Variants in NAV2 observed in about 807,000 individuals in gnomAD.
NAV2 encodes neuron navigator 2.
A neutral mutation model predicts 223.2 loss-of-function variants in NAV2; 54 were observed. The ratio of observed to expected loss-of-function variants is 0.24; its 90% CI spans 0.19 to 0.30. The LOEUF is 0.30. NAV2 is among the 10% of genes least tolerant of loss of function. NAV2 has a pLI of 1.00. For synonymous variants in NAV2, 1,279 were observed against 1,239.3 expected (o/e 1.03, Z -0.67); for missense variants, 2,806 against 3,147.5 (o/e 0.89, Z 2.60).
At chr11:19,779,050 A>G (rs974763296) in intron 1 of NAV2, among the ~76,000 whole-genome samples, 1 of 152,156 alleles carries the variant, frequency 6.6e-6, no homozygotes, top group Non-Finnish European at 1.5e-5. Context: ...AAGGGCTGGG[A>G]TGTCTTCTCC....
rs150883751 is a variant in NAV2 at position 19,583,738 on chromosome 11, G to A, written c.75+232711G>A. Among the ~76,000 whole-genome samples, 1,099 of 152,218 alleles carry A rather than the reference G, an allele frequency of 7.2e-3. 5 individuals are homozygous for A. The highest frequency in any genetic ancestry group is 0.011 in the Non-Finnish European group (769 of 67,994). ...TCCCAGGGATGAAGCCCACTTGATCGTGGTGGATAACTTTTTGATGTGCTG... is the reference window on the plus strand; with the variant it reads ...TCCCAGGGATGAAGCCCACTTGATCATGGTGGATAACTTTTTGATGTGCTG... On this transcript the variant is annotated intron_variant, in intron 1 of 37. Coordinates refer to the NAV2 transcript ENST00000360655.
intron 2 of NAV2, among the ~76,000 whole-genome samples, chr11:19,839,079 C>T (rs984867847): frequency 1.3e-5 from 2 of 152,170 alleles, no homozygotes; most frequent in East Asian, 1.9e-4. Context: ...CTTTAGGAGC[C>T]TTCCTTTGGT....
At chr11:19,800,782 A>G (rs149413131) in intron 1 of NAV2, among the ~76,000 whole-genome samples, 2,131 of 152,014 alleles carry the variant, frequency 0.014, 19 homozygotes, top group South Asian at 0.027. Context: ...TCATTACACC[A>G]TGATTAAAAT....
chr11:19,689,342 A>G (rs577388405), intron 1 of NAV2, among the ~76,000 whole-genome samples: 1 of 152,342 alleles, frequency 6.6e-6, no homozygotes, highest in East Asian at 1.9e-4. Flanking sequence ...AAAGACATCA[A>G]CAAGAGATGA....
chr11:19,345,679 G>T, the NAV2 span, among the ~76,000 whole-genome samples: 1 of 152,240 alleles, frequency 6.6e-6, no homozygotes, highest in Admixed American at 6.5e-5. This position sits in a 1 kb window ranked among gnomAD's most constrained non-coding sequence, Gnocchi z 5.2. Flanking sequence ...CAGATGCGGG[G>T]CTGGGCGCCC....
chr11:19,843,321 T>A (rs1420165689), intron 3 of NAV2, among the ~76,000 whole-genome samples: 1 of 152,196 alleles, frequency 6.6e-6, no homozygotes, highest in Non-Finnish European at 1.5e-5. Context: ...AATCAGAAAC[T>A]GGAGCATGTG....
chr11:19,449,101 C>T (rs747263886), intron 1 of NAV2, among the ~76,000 whole-genome samples: 2 of 152,112 alleles, frequency 1.3e-5, no homozygotes, highest in African/African-American at 2.4e-5. Flanking sequence ...TTTTGGTTCT[C>T]CACACTCCCT....
chr11:19,934,917 GC>G (rs1474561051), intron 7 of NAV2, among the ~76,000 whole-genome samples: 2 of 152,116 alleles, frequency 1.3e-5, no homozygotes, highest in East Asian at 3.9e-4. Flanking sequence ...CTGTCCCCTA[GC>G]CCCTGTCTCT....
At chr11:19,788,304 G>A (rs1041737333) in intron 1 of NAV2, among the ~76,000 whole-genome samples, 1 of 152,162 alleles carries the variant, frequency 6.6e-6, no homozygotes, top group African/African-American at 2.4e-5. Flanking sequence ...GTCCCCGAGG[G>A]GGGAAAATTG....
chr11:20,039,772 A>G (rs1010958483), intron 12 of NAV2, among the ~76,000 whole-genome samples: 2 of 152,258 alleles, frequency 1.3e-5, no homozygotes, highest in Non-Finnish European at 2.9e-5. Flanking sequence ...TGCCTGTGAA[A>G]TGTTTAATAA....
chr11:19,989,866 C>T (rs758354348), intron 11 of NAV2, among the ~76,000 whole-genome samples: 10 of 152,054 alleles, frequency 6.6e-5, no homozygotes, highest in East Asian at 1.9e-4. Flanking sequence ...ATCCTCCGGT[C>T]GCCTAACATA....
chr11:19,741,497 C>CT (rs71050682), intron 1 of NAV2, among the ~76,000 whole-genome samples: 150 of 114,920 alleles, frequency 1.3e-3, no homozygotes, highest in African/African-American at 5.6e-3. Context: ...TTCTTTCTTT[C>CT]TTTTTTTTTT....
chr11:19,470,279 C>A (rs951603114), intron 1 of NAV2, among the ~76,000 whole-genome samples: 2 of 152,174 alleles, frequency 1.3e-5, no homozygotes, highest in Non-Finnish European at 2.9e-5. Context: ...CAGTAGGAAG[C>A]AGGTGGAACA....
chr11:19,652,933 T>C lies in NAV2; in HGVS notation c.76-179551T>C, dbSNP rs571227848. 3.9e-5 allele frequency among the ~76,000 whole-genome samples: 6 copies of C among 152,346 alleles called. No homozygotes were observed. In the East Asian group the frequency reaches 1.2e-3, roughly 29 times the overall value. ...ATTTATTTAACCAGTTTCCTGTTGA[T>C]GGGTGTTAAGGTTATCTCCACTTTT... is the stretch of plus-strand genomic sequence containing the variant. On this transcript the variant is annotated intron_variant, in intron 1 of 37. Transcript: ENST00000360655.
At chr11:20,009,398 T>A (rs1026729015) in intron 11 of NAV2, among the ~76,000 whole-genome samples, 2 of 152,336 alleles carry the variant, frequency 1.3e-5, no homozygotes, top group East Asian at 1.9e-4. Flanking sequence ...TTGAACTCAA[T>A]GGTGTCTGAA....
At chr11:19,708,289 T>C (rs1322126000), upstream of NAV2, among the ~76,000 whole-genome samples, 1 of 152,204 alleles carries the variant, frequency 6.6e-6, no homozygotes, top group African/African-American at 2.4e-5. Flanking sequence ...CTCGGAGATG[T>C]CTCATAAGTT....
intron 1 of NAV2, among the ~76,000 whole-genome samples, chr11:19,494,696 A>G (rs527994272): frequency 1.3e-5 from 2 of 152,288 alleles, no homozygotes; most frequent in South Asian, 4.2e-4. Context: ...GAGTCTCTGG[A>G]AGATGTAATA....
At chr11:19,375,016 C>G (rs1848595411) in intron 1 of NAV2, among the ~76,000 whole-genome samples, 1 of 152,224 alleles carries the variant, frequency 6.6e-6, no homozygotes, top group Admixed American at 6.5e-5. Context: ...GCTCACCCAG[C>G]TTCCCAGTCA....
chr11:20,045,470 C>G lies in NAV2; in HGVS notation c.3702C>G (p.Ser1234=). 1 of 1,614,150 alleles carries G rather than the reference C, an allele frequency of 6.2e-7. No homozygotes were observed. Among genetic ancestry groups the G allele is most frequent in the African/African-American group, 1.3e-5 (1 of 75,042 alleles). Reference sequence around the variant, plus strand: ...CAGTGCCCAAACTGAGGGAGCCTTCCAAAACAGCCCTAGGCAGCTCTCTAC... The same window carrying G: ...CAGTGCCCAAACTGAGGGAGCCTTCGAAAACAGCCCTAGGCAGCTCTCTAC... The part of the protein sequence containing the change: ...GLPVPKLREP[S]KTALGSSLPG... The change falls in exon 14 of 38, where the codon TCC becomes TCG. Residue 1234 remains serine (S), a synonymous_variant. Coordinates refer to ENST00000349880, the MANE Select transcript of NAV2 (RefSeq NM_145117.5).
Sources: allele counts gnomAD v4.1 joint callset (sites outside exome capture counted in the v4.1 genomes callset), GRCh38; gene constraint gnomAD v4.1.1; non-coding constraint Gnocchi (gnomAD v3.1); transcripts MANE v1.5; gene names NCBI Gene and HGNC (gene_info 2026-07-23, HGNC 2026-07-21).